The following PDLIM5 variants were observed in gnomAD, a reference collection of about 807,000 sequenced individuals.
PDLIM5 encodes the protein PDZ and LIM domain 5.
In PDLIM5, 34 loss-of-function variants were observed where a neutral mutation model predicts 64.2. That is an observed-to-expected ratio of 0.53 (90% confidence interval 0.40 to 0.71). PDLIM5 has a LOEUF of 0.71. Ranked by LOEUF, PDLIM5 falls within the 30% of genes least tolerant of loss-of-function variation. PDLIM5 has a pLI of 0.00. For synonymous variants in PDLIM5, 253 were observed against 269.1 expected (o/e 0.94, Z 0.59); for missense variants, 683 against 733.6 (o/e 0.93, Z 0.80).
Position 94,522,813 on chromosome 4 carries a change from C to T in PDLIM5, c.97-911C>T, listed in dbSNP as rs769998953. 7.9e-5 allele frequency among the ~76,000 whole-genome samples: 12 copies of T among 152,102 alleles called. 1 individual carries two copies. The highest frequency in any genetic ancestry group is 2.1e-4 in the South Asian group (1 of 4,824). On this transcript the variant is annotated intron_variant, in intron 2 of 12. Coordinates refer to ENST00000317968, the MANE Select transcript of PDLIM5 (RefSeq NM_006457.5). Reference sequence around the variant, plus strand: ...AATACTGGTTATTTACTTGCTTTTTCGGGCCTAGTCTCTCCCATCTTCCAG... The same window carrying T: ...AATACTGGTTATTTACTTGCTTTTTTGGGCCTAGTCTCTCCCATCTTCCAG...
chr4:94,529,316 C>G (rs1361339891), intron 3 of PDLIM5, among the ~76,000 whole-genome samples: 2 of 152,122 alleles, frequency 1.3e-5, no homozygotes, highest in Non-Finnish European at 2.9e-5. Flanking sequence ...ATGAGGACCA[C>G]TGCTGCCCAA....
At chr4:94,463,087 A>G (rs1724042681) in intron 2 of PDLIM5, among the ~76,000 whole-genome samples, 1 of 152,210 alleles carries the variant, frequency 6.6e-6, no homozygotes, top group Non-Finnish European at 1.5e-5. Context: ...CTTCCTCTCT[A>G]TCTTAACCTA....
chr4:94,501,096 T>TC (rs1234307111), intron 2 of PDLIM5, among the ~76,000 whole-genome samples: 1 of 131,358 alleles, frequency 7.6e-6, no homozygotes, highest in Non-Finnish European at 1.6e-5. Flanking sequence ...TTTTTTTTTT[T>TC]CTCAGACAAG....
At chr4:94,570,862 T>G (rs1402440923) in intron 3 of PDLIM5, among the ~76,000 whole-genome samples, 3 of 152,184 alleles carry the variant, frequency 2.0e-5, no homozygotes, top group Non-Finnish European at 4.4e-5. Context: ...CTCCTTTTTT[T>G]CTGTGTGATT....
intron 3 of PDLIM5, among the ~76,000 whole-genome samples, chr4:94,527,567 G>A (rs766134613): frequency 6.6e-6 from 1 of 152,144 alleles, no homozygotes; most frequent in Non-Finnish European, 1.5e-5. Context: ...TCTGAGATGG[G>A]GATTCTTGTG....
At chr4:94,494,911 G>C (rs906895501) in intron 2 of PDLIM5, among the ~76,000 whole-genome samples, 4 of 151,954 alleles carry the variant, frequency 2.6e-5, no homozygotes, top group Non-Finnish European at 5.9e-5. Flanking sequence ...GCCACGCCCG[G>C]ATAATTTTTT....
chr4:94,542,824 A>G (rs1306433964), intron 3 of PDLIM5, among the ~76,000 whole-genome samples: 3 of 152,202 alleles, frequency 2.0e-5, no homozygotes, highest in African/African-American at 7.2e-5. Flanking sequence ...TTAGTAAAAT[A>G]AATGAGAAAA....
At chr4:94,489,854 C>T (rs1726702335) in intron 2 of PDLIM5, among the ~76,000 whole-genome samples, 2 of 152,090 alleles carry the variant, frequency 1.3e-5, no homozygotes, top group Non-Finnish European at 2.9e-5. Flanking sequence ...CTTTTGTCTT[C>T]ATTTGGTTGC....
In PDLIM5 at chr4:94,654,648, T is replaced by C. The variant is rs1340594831; in HGVS notation, c.1464+8T>C. ...CAAAGGAAGATCCTTGGAGTAAGTATTGGAAACGTTTTTATTCTGAATGAG... is the reference window on the plus strand; with the variant it reads ...CAAAGGAAGATCCTTGGAGTAAGTACTGGAAACGTTTTTATTCTGAATGAG... On this transcript the variant is annotated splice_region_variant and intron_variant, in intron 10 of 12. Coordinates refer to ENST00000317968, the MANE Select transcript of PDLIM5 (RefSeq NM_006457.5). 1 of 1,569,892 alleles carries C rather than the reference T, an allele frequency of 6.4e-7. No individual in the cohort carries two copies. Among genetic ancestry groups the C allele is most frequent in the Non-Finnish European group, 8.7e-7 (1 of 1,145,630 alleles).
At position 94,664,902 on chromosome 4, in the gene PDLIM5, C is replaced by T; in HGVS notation, c.*835C>T. The T allele has an allele frequency of 1.0e-6, 1 of 976,500 alleles. No individual in the cohort carries two copies. Among genetic ancestry groups the T allele is most frequent in the African/African-American group, 1.8e-5 (1 of 57,110 alleles). 60.5% of individuals were successfully genotyped at this position (976,500 alleles called of 1,614,324 possible). A position where few individuals can be genotyped will look rare whatever the true frequency, so the allele number is the denominator to read the frequency against. On this transcript the variant is annotated 3_prime_UTR_variant, in exon 13 of 13. Transcript: ENST00000317968. ...AAACTTTGCTTGTATATTATTTTTG[C>T]CTTACAGTGGATCATTCTAGTAGGA...
chr4:94,470,036 G>A (rs1463123399), intron 2 of PDLIM5, among the ~76,000 whole-genome samples: 3 of 132,176 alleles, frequency 2.3e-5, no homozygotes, highest in South Asian at 2.5e-4. Flanking sequence ...GCGTGATCTC[G>A]ACTCACTGCA....
intron 3 of PDLIM5, among the ~76,000 whole-genome samples, chr4:94,538,676 A>G (rs150063481): frequency 2.2e-3 from 332 of 152,340 alleles, no homozygotes; most frequent in Non-Finnish European, 3.7e-3. Context: ...AGCAAATACC[A>G]TAACTATTAA....
chr4:94,660,599 C>G lies in PDLIM5; in HGVS notation c.1586-1823C>G, dbSNP rs184222129. 3.9e-5 allele frequency among the ~76,000 whole-genome samples: 6 copies of G among 152,134 alleles called. No individual in the cohort carries two copies. The East Asian group carries it at 1.2e-3, about 29-fold the overall frequency. ...CCTCTTTCCAATGAGAATATGAGCC[C>G]CATGAGGAAAGCAACCTCAACTGTC... On this transcript the variant is annotated intron_variant, in intron 11 of 12. Coordinates refer to ENST00000317968, the MANE Select transcript of PDLIM5 (RefSeq NM_006457.5).
At chr4:94,635,499 C>T (rs943935299) in intron 8 of PDLIM5, among the ~76,000 whole-genome samples, 3 of 151,962 alleles carry the variant, frequency 2.0e-5, no homozygotes, top group Non-Finnish European at 1.5e-5. Flanking sequence ...GATTGTCATC[C>T]TTAAGCTATC....
intron 2 of PDLIM5, among the ~76,000 whole-genome samples, chr4:94,470,444 A>G (rs1724766435): frequency 6.6e-6 from 1 of 152,188 alleles, no homozygotes; most frequent in Admixed American, 6.5e-5. Flanking sequence ...AGACAAAGTG[A>G]GTGTTAGGAT....
chr4:94,545,083 A>C (rs868748221), intron 3 of PDLIM5, among the ~76,000 whole-genome samples: 1 of 152,256 alleles, frequency 6.6e-6, no homozygotes, highest in Admixed American at 6.5e-5. Context: ...TTATTTACTC[A>C]TAAGTTAGGA....
chr4:94,572,716 T>TC (rs1273364643), intron 3 of PDLIM5, among the ~76,000 whole-genome samples: 1 of 152,198 alleles, frequency 6.6e-6, no homozygotes, highest in Non-Finnish European at 1.5e-5. Context: ...ACTGTGCTGA[T>TC]ACAGACACAG....
intron 7 of PDLIM5, among the ~76,000 whole-genome samples, chr4:94,589,072 CT>C (rs1222763730): frequency 6.6e-6 from 1 of 152,130 alleles, no homozygotes; most frequent in Non-Finnish European, 1.5e-5. Context: ...AGAAAATCTA[CT>C]TTCTTAGACC....
chr4:94,638,098 T>C (rs928947565), intron 8 of PDLIM5, among the ~76,000 whole-genome samples: 2 of 152,152 alleles, frequency 1.3e-5, no homozygotes, highest in Non-Finnish European at 1.5e-5. Context: ...GAAGAAGAAA[T>C]ACATTTTACA....
Sources: allele counts gnomAD v4.1 joint callset (sites outside exome capture counted in the v4.1 genomes callset), GRCh38; gene constraint gnomAD v4.1.1; transcripts MANE v1.5; gene names NCBI Gene and HGNC (gene_info 2026-07-23, HGNC 2026-07-21).